ERCC1: variants seen among roughly 807,000 people sequenced by gnomAD.
The protein encoded by ERCC1 is DNA excision repair protein ERCC-1.
ERCC1 carries 36 observed loss-of-function variants against 37.6 expected under a neutral mutation model. That is an observed-to-expected ratio of 0.96 (90% CI 0.73 to 1.26). The LOEUF is 1.26. Among genes scored for constraint, ERCC1 ranks in the 50% most tolerant of loss-of-function variants. ERCC1 has a pLI of 0.00. For missense variants in ERCC1, 349 were observed against 376.5 expected (o/e 0.93, Z 0.60); for synonymous variants, 156 against 162.1 (o/e 0.96, Z 0.28).
intron 9 of ERCC1, 164 bp from the exon 10 acceptor site, chr19:45,409,889 A>ATTTTTT (rs1184782156): frequency 7.2e-5 from 17 of 237,656 alleles, no homozygotes; most frequent in Non-Finnish European, 9.6e-5. Context: ...TATTATTATT[A>ATTTTTT]TTATTATTTT....
intron 1 of ERCC1, among the ~76,000 whole-genome samples, chr19:45,442,307 C>G (rs10415224): frequency 0.03 from 4,344 of 144,752 alleles, 223 homozygotes; most frequent in African/African-American, 0.11. Context: ...GCAACAGAGA[C>G]CCTGTCTCAA....
chr19:45,416,783 G>C, intron 6 of ERCC1, 38 bp downstream of exon 6: 1 of 1,543,060 alleles, frequency 6.5e-7, no homozygotes, highest in Non-Finnish European at 9.0e-7. Flanking sequence ...ACCAATCCCA[G>C]GTGGAGCCTG....
chr19:45,423,828 G>A lies in ERCC1; in HGVS notation c.-55C>T. 1 of 1,136,100 alleles carries A rather than the reference G, an allele frequency of 8.8e-7. No individual in the cohort carries two copies. The highest frequency in any genetic ancestry group is 1.6e-5 in the African/African-American group (1 of 63,540). The allele number at this position is 1,136,100 out of a possible 1,614,324, so 70.4% of individuals were successfully genotyped here. ...TCAGCGCCGCGAGGCCTCACCTGCT[G>A]GTCTTGGAGCCTCAAGGGAAAGACT... On this transcript the variant is annotated 5_prime_UTR_variant, in exon 1 of 10. Coordinates refer to ENST00000300853, the MANE Select transcript of ERCC1 (RefSeq NM_001983.4).
chr19:45,409,003 G>A lies in ERCC1; in HGVS notation c.*672C>T, dbSNP rs1300240168. 1 of 1,613,964 alleles carries A rather than the reference G, an allele frequency of 6.2e-7. No homozygotes were observed. The highest frequency in any genetic ancestry group is 8.5e-7 in the Non-Finnish European group (1 of 1,180,026). On this transcript the variant is annotated 3_prime_UTR_variant, in exon 10 of 10. Transcript: ENST00000300853. ...TGGCAATGATGGAGCCAGGGACGGA[G>A]GCGATGGAGCCAGTGGAGCCGGAGA...
intron 5 of ERCC1, among the ~76,000 whole-genome samples, chr19:45,417,773 C>T (rs1244865508): frequency 6.6e-6 from 1 of 152,102 alleles, no homozygotes; most frequent in Non-Finnish European, 1.5e-5. Context: ...GATCTTGGCT[C>T]ATTGCAACCT....
At chr19:45,421,521 G>A (rs1295368842) in intron 2 of ERCC1, 128 bp from the exon 3 acceptor site, 2 of 664,732 alleles carry the variant, frequency 3.0e-6, no homozygotes, top group African/African-American at 1.8e-5. Flanking sequence ...CCAGACTGGA[G>A]TGTAGTGGCA....
chr19:45,429,630 G>A (rs781633467), intron 1 of ERCC1, among the ~76,000 whole-genome samples: 4 of 152,096 alleles, frequency 2.6e-5, no homozygotes, highest in Admixed American at 1.3e-4. Context: ...GGGACCCTGG[G>A]TAGTTGCCAT....
chr19:45,425,662 G>A (rs1283689898), upstream of ERCC1, among the ~76,000 whole-genome samples: 1 of 152,110 alleles, frequency 6.6e-6, no homozygotes, highest in Non-Finnish European at 1.5e-5. Flanking sequence ...GAGCCACGGT[G>A]CCTGGCCAAG....
chr19:45,416,579 G>A, intron 6 of ERCC1: 1 of 512,002 alleles, frequency 2.0e-6, no homozygotes, highest in East Asian at 3.4e-5. Flanking sequence ...AACCCCCAAG[G>A]CAGAGCCGAG....
intron 9 of ERCC1, among the ~76,000 whole-genome samples, chr19:45,412,959 C>G (rs1423629427): frequency 6.6e-6 from 1 of 151,318 alleles, no homozygotes; most frequent in African/African-American, 2.4e-5. Flanking sequence ...CAGGCTGGTC[C>G]CAAACTCCTG....
chr19:45,450,899 C>T (rs866713815), intron 1 of ERCC1, among the ~76,000 whole-genome samples: 1,357 of 96,660 alleles, frequency 0.014, 94 homozygotes, highest in African/African-American at 0.042. Flanking sequence ...CCCCCCCCCC[C>T]CCCCCCACGC....
At chr19:45,424,546 C>G (rs1463441932), upstream of ERCC1, among the ~76,000 whole-genome samples, 1 of 152,208 alleles carries the variant, frequency 6.6e-6, no homozygotes, top group African/African-American at 2.4e-5. Context: ...GATAGTATCA[C>G]ACTGTTCTAA....
In ERCC1 at chr19:45,423,283, A is replaced by C. The variant is rs757076407; in HGVS notation, c.92T>G (p.Val31Gly). The part of the protein sequence containing the change: ...KFVIPLDEDE[V>G]PPGVAKPLFR... ...TCCTTGTCCTACCACTCCAGGAGGG[A>C]CCTCATCCTCGTCGAGGGGTATCAC... The change falls in exon 2 of 10, where the codon GTC becomes GGC. Residue 31 changes from valine to glycine, a missense_variant. Transcript: ENST00000300853. The C allele has an allele frequency of 3.1e-6, 5 of 1,613,168 alleles. No homozygotes were observed. The highest frequency in any genetic ancestry group is 4.2e-6 in the Non-Finnish European group (5 of 1,179,750).
chr19:45,438,448 ATG>A (rs1249545007), intron 1 of ERCC1, among the ~76,000 whole-genome samples: 3 of 151,710 alleles, frequency 2.0e-5, no homozygotes, highest in Non-Finnish European at 2.9e-5. Context: ...TTTATTTTTT[ATG>A]TGTTTGTTTG....
At chr19:45,421,633 A>AT (rs148317782) in intron 2 of ERCC1, among the ~76,000 whole-genome samples, 2,077 of 131,300 alleles carry the variant, frequency 0.016, 43 homozygotes, top group African/African-American at 0.047. Context: ...CGCCCAGCTA[A>AT]TTTTTTTTTT....
chr19:45,420,209 C>T lies in ERCC1; in HGVS notation c.425+115G>A. The T allele has an allele frequency of 1.3e-6, 1 of 758,576 alleles. No individual in the cohort carries two copies. Among genetic ancestry groups the T allele is most frequent in the Non-Finnish European group, 2.3e-6 (1 of 434,660 alleles). 47.0% of individuals were successfully genotyped at this position (758,576 alleles called of 1,614,324 possible). ...CACAGGGTCCCACCAAGGCCCAGAA[C>T]CTGCAGGACCATGCCCAGAGGCTTC... On this transcript the variant is annotated intron_variant, in intron 4 of 9. Transcript: ENST00000300853. This position sits in a 1 kb window ranked among gnomAD's most constrained non-coding sequence, Gnocchi z 4.8.
rs1374254041 is a variant in ERCC1, at chr19:45,420,433, G to A, written c.322-6C>T. On this transcript the variant is annotated splice_region_variant and splice_polypyrimidine_tract_variant and intron_variant, in intron 3 of 9. Transcript: ENST00000300853. This position sits in a 1 kb window ranked among gnomAD's most constrained non-coding sequence, Gnocchi z 4.8. ...TTCAGTACGGGATTGCCCCTCTGGG[G>A]AGGGACGAAGGGCAGAAGCCATCAA... 1 of 1,597,222 alleles carries A rather than the reference G, an allele frequency of 6.3e-7. No individual in the cohort carries two copies. The highest frequency in any genetic ancestry group is 8.6e-7 in the Non-Finnish European group (1 of 1,166,004).
chr19:45,415,298 G>A (rs1307002766), intron 6 of ERCC1, among the ~76,000 whole-genome samples: 2 of 135,024 alleles, frequency 1.5e-5, no homozygotes, highest in African/African-American at 5.7e-5. Context: ...TCACGCCATT[G>A]CACTCCCGCT....
chr19:45,408,223 C>G lies in ERCC1; in HGVS notation c.*1452G>C. The G allele has an allele frequency of 6.2e-7, 1 of 1,614,176 alleles. No individual in the cohort carries two copies. The highest frequency in any genetic ancestry group is 1.7e-5 in the Admixed American group (1 of 60,020). On this transcript the variant is annotated 3_prime_UTR_variant, in exon 10 of 10. Transcript: ENST00000300853. ...GGCACCGCTATCGAGTCCTCAGCAG[C>G]TGTCCCCAAGCTGGAGAAGCGACCC...
Sources: gnomAD v4.1 joint callset for allele counts (sites outside exome capture counted in the v4.1 genomes callset) on GRCh38, gnomAD v4.1.1 for gene constraint, Gnocchi (gnomAD v3.1) non-coding constraint, MANE v1.5 for transcripts, NCBI Gene and HGNC (gene_info 2026-07-23, HGNC 2026-07-21) for gene names.